The following L3MBTL4 variants were observed in gnomAD, a reference collection of about 807,000 sequenced individuals.
L3MBTL4 encodes the protein L3MBTL histone methyl-lysine binding protein 4, also known as lethal(3)malignant brain tumor-like protein 4.
Under a neutral mutation model 84.5 loss-of-function variants are expected in L3MBTL4, and 70 were observed. The ratio of observed to expected loss-of-function variants is 0.83; its 90% confidence interval spans 0.68 to 1.01. L3MBTL4 has a LOEUF of 1.01. Among genes scored for constraint, L3MBTL4 ranks in the 50% least tolerant of loss-of-function variants. The pLI, the probability that L3MBTL4 is intolerant of heterozygous loss-of-function variation, is 0.00. For synonymous variants in L3MBTL4, 274 were observed against 259.8 expected (o/e 1.05, Z -0.52); for missense variants, 715 against 754.8 (o/e 0.95, Z 0.62).
At chr18:5,977,087 C>A (rs538838569) in intron 16 of L3MBTL4, among the ~76,000 whole-genome samples, 1 of 152,132 alleles carries the variant, frequency 6.6e-6, no homozygotes, top group Admixed American at 6.5e-5. Context: ...CAATGGGTAA[C>A]CTTCCCACCT....
intron 13 of L3MBTL4, among the ~76,000 whole-genome samples, chr18:6,151,073 G>A (rs933756042): frequency 6.6e-6 from 1 of 152,164 alleles, no homozygotes; most frequent in African/African-American, 2.4e-5. Context: ...AGAAGAAAAC[G>A]GATCCCCTTA....
chr18:6,239,912 C>A lies in L3MBTL4; in HGVS notation c.553-40G>T, dbSNP rs747952057. The A allele has an allele frequency of 3.1e-6, 5 of 1,610,980 alleles. No individual in the cohort carries two copies. The East Asian group carries it at 1.1e-4, about 36-fold the overall frequency. On this transcript the variant is annotated intron_variant, in intron 8 of 18. Coordinates refer to ENST00000317931, the MANE Select transcript of L3MBTL4 (RefSeq NM_001330559.2). ...GCAGGGGAAGAAGCACAAAAAGAAACAGGACACCAAATAGGACTGAGCCAC... is the reference window on the plus strand; with the variant it reads ...GCAGGGGAAGAAGCACAAAAAGAAAAAGGACACCAAATAGGACTGAGCCAC...
chr18:6,311,693 G>A, intron 2 of L3MBTL4, 37 bp from the exon 3 acceptor site: 1 of 1,183,254 alleles, frequency 8.5e-7, no homozygotes, highest in Non-Finnish European at 1.3e-6. Flanking sequence ...TGGGGATGGG[G>A]GTGTGACCCC....
At chr18:6,360,423 T>C (rs538929576) in intron 1 of L3MBTL4, among the ~76,000 whole-genome samples, 10 of 152,318 alleles carry the variant, frequency 6.6e-5, no homozygotes, top group African/African-American at 2.4e-4. Flanking sequence ...AATCAGTCAC[T>C]CTTCTATCCA....
At chr18:5,961,999 C>G (rs2095265890) in intron 17 of L3MBTL4, among the ~76,000 whole-genome samples, 1 of 152,158 alleles carries the variant, frequency 6.6e-6, no homozygotes, top group Non-Finnish European at 1.5e-5. Flanking sequence ...GCTATATATA[C>G]TCCAACCCTG....
chr18:6,003,015 T>A (rs1274420359), intron 16 of L3MBTL4, among the ~76,000 whole-genome samples: 2 of 149,506 alleles, frequency 1.3e-5, no homozygotes, highest in African/African-American at 4.9e-5. Flanking sequence ...GGATATTCCA[T>A]GCAAAAAGTA....
intron 12 of L3MBTL4, among the ~76,000 whole-genome samples, chr18:6,206,464 C>CTA (rs1414345160): frequency 6.6e-6 from 1 of 152,186 alleles, no homozygotes; most frequent in African/African-American, 2.4e-5. Flanking sequence ...CTCACTAGAT[C>CTA]TCGCAGGTCA....
chr18:6,190,323 T>A (rs1379963080), intron 12 of L3MBTL4, among the ~76,000 whole-genome samples: 1 of 152,224 alleles, frequency 6.6e-6, no homozygotes, highest in East Asian at 1.9e-4. Flanking sequence ...AGTTTTTGAA[T>A]GATAGAAATG....
At chr18:6,330,972 G>A (rs995408851) in intron 1 of L3MBTL4, among the ~76,000 whole-genome samples, 1 of 152,028 alleles carries the variant, frequency 6.6e-6, no homozygotes, top group African/African-American at 2.4e-5. Flanking sequence ...GTGACTTCTG[G>A]TCAAGAGGTC....
intron 16 of L3MBTL4, chr18:6,029,749 C>T: frequency 1.0e-6 from 1 of 985,026 alleles, no homozygotes; most frequent in East Asian, 1.1e-4. Context: ...CAAAAATTAA[C>T]CAACTGGAAT....
chr18:6,193,995 G>A (rs11875064), intron 12 of L3MBTL4, among the ~76,000 whole-genome samples: 5,003 of 152,144 alleles, frequency 0.033, 261 homozygotes, highest in African/African-American at 0.11. Context: ...TTGTGGGGTC[G>A]AAGAAGGAAG....
chr18:6,295,346 C>CTCTATATATA (rs1261475809), intron 4 of L3MBTL4, among the ~76,000 whole-genome samples: 27 of 81,378 alleles, frequency 3.3e-4, no homozygotes, highest in African/African-American at 1.7e-3. Context: ...CTCTCTCTCT[C>CTCTATATATA]TATATATATA....
At chr18:6,394,266 G>A (rs2055181015) in intron 1 of L3MBTL4, among the ~76,000 whole-genome samples, 1 of 152,060 alleles carries the variant, frequency 6.6e-6, no homozygotes, top group East Asian at 1.9e-4. Flanking sequence ...TCAGGAGTTC[G>A]AGACCAGCCT....
intron 12 of L3MBTL4, among the ~76,000 whole-genome samples, chr18:6,174,724 C>T (rs149096179): frequency 6.6e-6 from 1 of 151,954 alleles, no homozygotes; most frequent in East Asian, 1.9e-4. Flanking sequence ...CAAAAATCAG[C>T]TGGTGTGGTG....
chr18:6,031,295 G>T, intron 16 of L3MBTL4: 1 of 985,456 alleles, frequency 1.0e-6, no homozygotes, highest in East Asian at 1.1e-4. Context: ...GTGTTCTTGT[G>T]TTCCTGGGCA....
At chr18:6,223,539 TG>T (rs2046651505) in intron 10 of L3MBTL4, among the ~76,000 whole-genome samples, 2 of 152,116 alleles carry the variant, frequency 1.3e-5, no homozygotes, top group Non-Finnish European at 2.9e-5. Flanking sequence ...AAAAAAAACA[TG>T]GGCTTATGAA....
chr18:6,274,211 G>T (rs889359541), intron 4 of L3MBTL4, among the ~76,000 whole-genome samples: 7 of 152,216 alleles, frequency 4.6e-5, no homozygotes, highest in African/African-American at 1.4e-4. Context: ...CCAGAAAATT[G>T]CTAGAAGTAA....
chr18:6,319,542 A>G (rs984685232), intron 1 of L3MBTL4, among the ~76,000 whole-genome samples: 7 of 152,154 alleles, frequency 4.6e-5, no homozygotes, highest in African/African-American at 1.7e-4. Context: ...GGAAATGGAT[A>G]AATTCCTAGA....
chr18:6,373,500 C>T (rs1267674256), intron 1 of L3MBTL4, among the ~76,000 whole-genome samples: 2 of 152,142 alleles, frequency 1.3e-5, no homozygotes, highest in Admixed American at 6.5e-5. Context: ...CACCAAACCC[C>T]TATTCCTATC....
Sources: gnomAD v4.1 joint callset for allele counts (sites outside exome capture counted in the v4.1 genomes callset) on GRCh38, gnomAD v4.1.1 for gene constraint, MANE v1.5 for transcripts, NCBI Gene and HGNC (gene_info 2026-07-23, HGNC 2026-07-21) for gene names.